STPG2: variants seen among roughly 807,000 people sequenced by gnomAD.
STPG2 encodes the protein sperm-tail PG-rich repeat-containing protein 2.
In STPG2, 56 loss-of-function variants were observed where a neutral mutation model predicts 54.2. The observed-to-expected ratio is 1.03, with a 90% confidence interval of 0.83 to 1.29. STPG2 has a LOEUF of 1.29. STPG2 is among the 50% of genes most tolerant of loss of function. The probability of loss-of-function intolerance (pLI) is 0.00; values close to 1 mark genes in which losing one functional copy is unlikely to be tolerated. For synonymous variants in STPG2, 200 were observed against 181.8 expected (o/e 1.10, Z -0.81); for missense variants, 596 against 544.9 (o/e 1.09, Z -0.93).
At chr4:97,898,516 G>A (rs1731047586) in intron 8 of STPG2, among the ~76,000 whole-genome samples, 1 of 151,420 alleles carries the variant, frequency 6.6e-6, no homozygotes, top group East Asian at 1.9e-4. Context: ...AAATGTCAAA[G>A]GTATGTTATT....
At chr4:97,612,462 C>T (rs1213872047) in intron 10 of STPG2, among the ~76,000 whole-genome samples, 2 of 152,090 alleles carry the variant, frequency 1.3e-5, no homozygotes, top group African/African-American at 2.4e-5. Flanking sequence ...CTATAATCCT[C>T]TTGCAAATAG....
intron 7 of STPG2, among the ~76,000 whole-genome samples, chr4:97,954,088 T>G (rs1379513084): frequency 1.3e-5 from 2 of 152,228 alleles, no homozygotes; most frequent in Non-Finnish European, 2.9e-5. Context: ...AGTTACCAAC[T>G]TTGAATGAAA....
intron 7 of STPG2, among the ~76,000 whole-genome samples, chr4:97,945,149 C>T (rs1388479250): frequency 1.3e-5 from 2 of 152,088 alleles, no homozygotes; most frequent in East Asian, 1.9e-4. Flanking sequence ...TTTTAGTGCA[C>T]CCATCACCCA....
At chr4:97,517,839 A>T (rs1031023249) in intron 4 of STPG2, among the ~76,000 whole-genome samples, 2 of 152,138 alleles carry the variant, frequency 1.3e-5, no homozygotes, top group Non-Finnish European at 2.9e-5. Context: ...AACTGAATTA[A>T]TTTCAATATG....
At chr4:98,007,650 T>G (rs958157363) in intron 5 of STPG2, among the ~76,000 whole-genome samples, 2 of 152,046 alleles carry the variant, frequency 1.3e-5, no homozygotes, top group African/African-American at 4.8e-5. Flanking sequence ...GAATTCAAAG[T>G]ATTGATGTTA....
chr4:97,849,092 G>C (rs1266830210), intron 8 of STPG2, among the ~76,000 whole-genome samples: 2 of 151,224 alleles, frequency 1.3e-5, no homozygotes, highest in Admixed American at 1.3e-4. Flanking sequence ...ACCTTGGGCA[G>C]TATGGCCATT....
intron 10 of STPG2, among the ~76,000 whole-genome samples, chr4:97,598,869 T>A (rs889091831): frequency 2.0e-5 from 3 of 151,980 alleles, no homozygotes; most frequent in African/African-American, 7.2e-5. Flanking sequence ...CTGGCAAAGA[T>A]TTCATGACAA....
chr4:97,800,753 T>A (rs1466429366), intron 9 of STPG2, among the ~76,000 whole-genome samples: 1 of 152,198 alleles, frequency 6.6e-6, no homozygotes, highest in African/African-American at 2.4e-5. Context: ...CTGCCGCCTT[T>A]TGTTTGGCTA....
chr4:97,619,824 ATT>A (rs113041695), intron 10 of STPG2, among the ~76,000 whole-genome samples: 19,359 of 130,330 alleles, frequency 0.15, 3,833 homozygotes, highest in African/African-American at 0.45. Flanking sequence ...TTCTTTTTCT[ATT>A]TTTTTTTTTT....
At chr4:97,743,417 T>C (rs539597322) in intron 9 of STPG2, among the ~76,000 whole-genome samples, 2 of 151,766 alleles carry the variant, frequency 1.3e-5, no homozygotes, top group East Asian at 3.9e-4. Context: ...CTTATTGTTA[T>C]TTACACAACC....
At chr4:97,445,436 C>T (rs930271009) in intron 4 of STPG2, among the ~76,000 whole-genome samples, 7 of 152,048 alleles carry the variant, frequency 4.6e-5, no homozygotes, top group African/African-American at 1.7e-4. Flanking sequence ...CTAACGACCA[C>T]ATAAGAAGTA....
At chr4:97,941,821 C>T (rs1732995689) in intron 8 of STPG2, among the ~76,000 whole-genome samples, 1 of 151,394 alleles carries the variant, frequency 6.6e-6, no homozygotes, top group Non-Finnish European at 1.5e-5. Flanking sequence ...CATTATACAC[C>T]CACCTGTTTG....
chr4:97,833,257 A>AAG (rs1056686020), intron 9 of STPG2, among the ~76,000 whole-genome samples: 36 of 152,272 alleles, frequency 2.4e-4, no homozygotes, highest in African/African-American at 8.4e-4. Flanking sequence ...GCAATGGGGA[A>AAG]AGATTCCCTA....
At chr4:98,051,065 C>A (rs1385944716) in intron 5 of STPG2, among the ~76,000 whole-genome samples, 2 of 151,476 alleles carry the variant, frequency 1.3e-5, no homozygotes, top group Non-Finnish European at 2.9e-5. Flanking sequence ...AATAGGAATT[C>A]TCTGTCTTCA....
At chr4:97,470,827 T>A (rs931865046) in intron 4 of STPG2, among the ~76,000 whole-genome samples, 5 of 152,084 alleles carry the variant, frequency 3.3e-5, no homozygotes, top group African/African-American at 1.2e-4. Context: ...TGAAGTGAGC[T>A]GAATGACATA....
At chr4:97,843,691 C>T (rs1728866160) in intron 8 of STPG2, among the ~76,000 whole-genome samples, 1 of 151,980 alleles carries the variant, frequency 6.6e-6, no homozygotes, top group South Asian at 2.1e-4. Context: ...GACAGTGTTC[C>T]AGGAAGTTTA....
chr4:98,133,667 A>G (rs1740060436), intron 2 of STPG2, among the ~76,000 whole-genome samples: 1 of 152,058 alleles, frequency 6.6e-6, no homozygotes, highest in African/African-American at 2.4e-5. Flanking sequence ...TTGATAATTT[A>G]AAAGCCATTA....
intron 10 of STPG2, among the ~76,000 whole-genome samples, chr4:97,696,415 C>A (rs576161181): frequency 6.6e-6 from 1 of 152,170 alleles, no homozygotes; most frequent in Non-Finnish European, 1.5e-5. Context: ...TGAAACCATA[C>A]AAATTCCAGA....
chr4:97,540,745 G>A (rs912522584), intron 4 of STPG2, among the ~76,000 whole-genome samples: 2 of 152,110 alleles, frequency 1.3e-5, no homozygotes, highest in Non-Finnish European at 2.9e-5. Context: ...ACTGAATCCA[G>A]CAGCACATCA....
Sources: allele counts gnomAD v4.1 joint callset (sites outside exome capture counted in the v4.1 genomes callset), GRCh38; gene constraint gnomAD v4.1.1; transcripts MANE v1.5; gene names NCBI Gene and HGNC (gene_info 2026-07-23, HGNC 2026-07-21).